PCDHGB1: variants seen among roughly 807,000 people sequenced by gnomAD.
PCDHGB1 encodes the protein protocadherin gamma subfamily B, 1.
Under a neutral mutation model 56.6 loss-of-function variants are expected in PCDHGB1, and 34 were observed. The observed-to-expected ratio is 0.60, with a 90% CI of 0.46 to 0.80. The LOEUF (loss-of-function observed/expected upper bound fraction) is 0.80, where lower values mean the gene tolerates loss of function less well. Ranked by LOEUF, PCDHGB1 falls within the 30% of genes least tolerant of loss-of-function variation. The pLI is 0.00. For missense variants in PCDHGB1, 1,278 were observed against 1,204.6 expected (o/e 1.06, Z -0.90); for synonymous variants, 561 against 505.9 (o/e 1.11, Z -1.46).
chr5:141,373,481 C>T (rs570555683), intron 1 of PCDHGB1, among the ~76,000 whole-genome samples: 13 of 152,328 alleles, frequency 8.5e-5, no homozygotes, highest in Non-Finnish European at 1.8e-4. Context: ...TATAATTGTG[C>T]CCCTGCACTC....
At position 141,486,783 on chromosome 5, in the gene PCDHGB1, C is replaced by A. The variant is rs905423670; in HGVS notation, c.2410-8024C>A. ...CAGACACTGCAGTTTGAGGTGCAGG[C>A]CCGGGATCGGGGCAACCCACCCCTT... On this transcript the variant is annotated intron_variant, in intron 1 of 3. Transcript: ENST00000523390. The surrounding 1 kb of genome is among the most constrained non-coding windows in gnomAD (Gnocchi z 5.0). 6.2e-7 allele frequency: 1 copy of A among 1,614,102 alleles called. No homozygotes were observed.
chr5:141,366,734 G>A (rs1193465026), intron 1 of PCDHGB1: 1 of 1,612,554 alleles, frequency 6.2e-7, no homozygotes, highest in Admixed American at 1.7e-5. Context: ...TGCAAACAAA[G>A]AAGAACGGCG....
intron 1 of PCDHGB1, chr5:141,395,397 A>C: frequency 1.1e-6 from 1 of 895,314 alleles, no homozygotes; most frequent in Non-Finnish European, 1.6e-6. Flanking sequence ...TTGAACTCTA[A>C]TAGTCATAGG....
intron 1 of PCDHGB1, chr5:141,412,932 T>A: frequency 2.2e-6 from 1 of 453,328 alleles, no homozygotes; most frequent in Non-Finnish European, 3.9e-6. Flanking sequence ...AGTAACTTCT[T>A]AGGACTCTGA....
intron 1 of PCDHGB1, chr5:141,398,734 G>C (rs768663543): frequency 6.2e-7 from 1 of 1,613,788 alleles, no homozygotes; most frequent in Non-Finnish European, 8.5e-7. Context: ...CTTAGACCGG[G>C]AACAACAGAG....
chr5:141,486,734 C>G lies in PCDHGB1; in HGVS notation c.2410-8073C>G, dbSNP rs2099634292. On this transcript the variant is annotated intron_variant, in intron 1 of 3. Transcript: ENST00000523390. This position sits in a 1 kb window ranked among gnomAD's most constrained non-coding sequence, Gnocchi z 5.0. ...CCAGACAGGAGCTGTTCATGCTACT[C>G]GATCCTTTGACTATGAGCAAACCCA... 6.2e-7 allele frequency: 1 copy of G among 1,614,070 alleles called. No individual in the cohort carries two copies. The highest frequency in any genetic ancestry group is 1.7e-5 in the Admixed American group (1 of 60,000).
In PCDHGB1 at chr5:141,506,176, C is replaced by T. The variant is rs183157987; in HGVS notation, c.2557+695C>T. ...CCTTAAGAGCACAGCCTAAGCTGGG[C>T]GTGGTGGCTCACGCCTGTAATCCCA... is the stretch of plus-strand genomic sequence containing the variant. On this transcript the variant is annotated intron_variant, in intron 3 of 3. Coordinates refer to ENST00000523390, the MANE Select transcript of PCDHGB1 (RefSeq NM_018922.3). Among the ~76,000 whole-genome samples the T allele has an allele frequency of 3.0e-3, 454 of 152,234 alleles. 1 individual carries two copies. The highest frequency in any genetic ancestry group is 0.021 in the Admixed American group (317 of 15,296).
Position 141,432,771 on chromosome 5 carries a change from T to G in PCDHGB1, c.2410-62036T>G. The G allele has an allele frequency of 6.2e-7, 1 of 1,614,006 alleles. No homozygotes were observed. The highest frequency in any genetic ancestry group is 8.5e-7 in the Non-Finnish European group (1 of 1,179,966). On this transcript the variant is annotated intron_variant, in intron 1 of 3. Coordinates refer to ENST00000523390, the MANE Select transcript of PCDHGB1 (RefSeq NM_018922.3). This position sits in a 1 kb window ranked among gnomAD's most constrained non-coding sequence, Gnocchi z 6.0. ...GCCGTGGCCGACAGCATCCCCCAAG[T>G]CCTGGCGGACCTCGGCAGCCTCGAG...
chr5:141,408,463 G>T, intron 1 of PCDHGB1: 1 of 1,614,014 alleles, frequency 6.2e-7, no homozygotes, highest in Non-Finnish European at 8.5e-7. Context: ...TACTTGTGAA[G>T]AACCGAATAG....
intron 1 of PCDHGB1, chr5:141,423,372 C>G: frequency 6.2e-7 from 1 of 1,614,178 alleles, no homozygotes; most frequent in Non-Finnish European, 8.5e-7. Context: ...TGCTGGCACT[C>G]AGGCTGTGGC....
intron 1 of PCDHGB1, among the ~76,000 whole-genome samples, chr5:141,469,311 T>C (rs970450899): frequency 3.3e-5 from 5 of 152,040 alleles, no homozygotes; most frequent in Admixed American, 3.3e-4. Context: ...GCACGATGGC[T>C]CACGCCTGTA....
At position 141,351,605 on chromosome 5, in the gene PCDHGB1, C is replaced by T. The variant is rs373905921; in HGVS notation, c.1345C>T (p.His449Tyr). ...SDINDNAPVF[H>Y]QASYVVHVSE... ...CATCAACGACAATGCACCTGTTTTC[C>T]ATCAGGCCTCCTATGTGGTCCACGT... Residue 449 changes from histidine (H) to tyrosine (Y), a missense_variant, in exon 1 of 4, where the codon CAT becomes TAT. Transcript: ENST00000523390. The T allele has an allele frequency of 8.1e-5, 130 of 1,613,938 alleles. No individual in the cohort carries two copies. The highest frequency in any genetic ancestry group is 1.1e-4 in the Non-Finnish European group (127 of 1,179,904).
Position 141,409,086 on chromosome 5 carries a change from A to G in PCDHGB1, c.2409+56417A>G, listed in dbSNP as rs1019017199. 6.8e-6 allele frequency: 11 copies of G among 1,613,904 alleles called. No homozygotes were observed. Among genetic ancestry groups the G allele is most frequent in the African/African-American group, 5.3e-5 (4 of 74,932 alleles). On this transcript the variant is annotated intron_variant, in intron 1 of 3. Transcript: ENST00000523390. ...AGCACAAAACATATGTTCTCATTGG[A>G]TGAGAAAACAGGTATGATTAAGAAT... is the stretch of plus-strand genomic sequence containing the variant.
At chr5:141,415,504 C>A in intron 1 of PCDHGB1, 2 of 1,614,216 alleles carry the variant, frequency 1.2e-6, no homozygotes, top group Non-Finnish European at 1.7e-6. Context: ...CTTCCCCCAG[C>A]CCAATTATGC....
Position 141,431,646 on chromosome 5 carries a change from G to A in PCDHGB1, c.2410-63161G>A. ...GCGGCCCAAGTTTTCAAACTAGATT[G>A]TAATTCAGGGACAATATCAACAATA... On this transcript the variant is annotated intron_variant, in intron 1 of 3. Coordinates refer to ENST00000523390, the MANE Select transcript of PCDHGB1 (RefSeq NM_018922.3). The surrounding 1 kb of genome is among the most constrained non-coding windows in gnomAD (Gnocchi z 4.8). 2 of 1,614,252 alleles carry A rather than the reference G, an allele frequency of 1.2e-6. No individual in the cohort carries two copies. Among genetic ancestry groups the A allele is most frequent in the Non-Finnish European group, 1.7e-6 (2 of 1,180,046 alleles).
chr5:141,455,162 T>G (rs1002208156), intron 1 of PCDHGB1, among the ~76,000 whole-genome samples: 5 of 150,972 alleles, frequency 3.3e-5, no homozygotes, highest in African/African-American at 7.3e-5. Context: ...GTTTGTTGGT[T>G]TTTTTTTTAG....
intron 1 of PCDHGB1, chr5:141,410,849 C>CTTTTTTTTTTTTTTTTTTGTTTTTTTT (rs2095435748): frequency 1.5e-5 from 2 of 129,786 alleles, no homozygotes; most frequent in Non-Finnish European, 2.6e-5. Context: ...TTGTCTTTGT[C>CTTTTTTTTTTTTTTTTTTGTTTTTTTT]TTTTTTTTTT....
rs1456176347 is a variant in PCDHGB1 at position 141,510,961 on chromosome 5, A to G, written c.2572A>G (p.Ser858Gly). 2 of 1,613,986 alleles carry G rather than the reference A, an allele frequency of 1.2e-6. No individual in the cohort carries two copies. Among genetic ancestry groups the G allele is most frequent in the Non-Finnish European group, 1.7e-6 (2 of 1,179,962 alleles). ...TGTCTCTGCAGAAGCTGCTGATGGG[A>G]GCTCCACCCTGGGAGGGGGTGCCGG... is the stretch of plus-strand genomic sequence containing the variant. Reference protein sequence around the residue: ...LASASEAADGSSTLGGGAGTM... With the variant: ...LASASEAADGGSTLGGGAGTM... Residue 858 changes from serine (S) to glycine (G), a missense_variant, in exon 4 of 4, where the codon AGC (serine) becomes GGC (glycine). Physicochemically the swap from Ser to Gly is moderately conservative, Grantham distance 56. Coordinates refer to ENST00000523390, the MANE Select transcript of PCDHGB1 (RefSeq NM_018922.3).
intron 1 of PCDHGB1, chr5:141,410,320 C>A (rs752279818): frequency 6.2e-7 from 1 of 1,613,998 alleles, no homozygotes; most frequent in Non-Finnish European, 8.5e-7. Context: ...TCCTCCTCGC[C>A]GTGATTCTGG....
Sources: allele counts gnomAD v4.1 joint callset (sites outside exome capture counted in the v4.1 genomes callset), GRCh38; gene constraint gnomAD v4.1.1; non-coding constraint Gnocchi (gnomAD v3.1); transcripts MANE v1.5; gene names NCBI Gene and HGNC (gene_info 2026-07-23, HGNC 2026-07-21).